Variants in TNS3 observed in about 807,000 individuals in gnomAD.
The protein encoded by TNS3 is tensin 3.
In TNS3, 45 loss-of-function variants were observed where a neutral mutation model predicts 140.9. The ratio of observed to expected loss-of-function variants is 0.32; its 90% CI spans 0.25 to 0.41. TNS3 has a LOEUF of 0.41. Among genes scored for constraint, TNS3 ranks in the 10% least tolerant of loss-of-function variants. The probability of loss-of-function intolerance (pLI) is 1.00; values close to 1 mark genes in which losing one functional copy is unlikely to be tolerated. For missense variants in TNS3, 1,716 were observed against 1,906.7 expected, an observed-to-expected ratio of 0.90 and a Z score of 1.86; for synonymous variants, 815 against 788.4, an observed-to-expected ratio of 1.03 and a Z score of -0.56.
At chr7:47,404,506 C>G (rs1793334304) in intron 13 of TNS3, among the ~76,000 whole-genome samples, 1 of 152,148 alleles carries the variant, frequency 6.6e-6, no homozygotes, top group South Asian at 2.1e-4. Context: ...AATGGGAAGG[C>G]CTGTAAGCAC....
intron 11 of TNS3, among the ~76,000 whole-genome samples, 189 bp from the exon 12 acceptor site, chr7:47,414,186 G>A (rs1793946598): frequency 6.6e-6 from 1 of 152,172 alleles, no homozygotes; most frequent in Non-Finnish European, 1.5e-5. Context: ...CTAGAAGCCT[G>A]CAGAGCAACA....
intron 1 of TNS3, among the ~76,000 whole-genome samples, chr7:47,560,499 C>A (rs1223034424): frequency 2.0e-5 from 3 of 152,166 alleles, no homozygotes; most frequent in Non-Finnish European, 2.9e-5. Context: ...TCTGCCCAAC[C>A]AAAGCCCTAA....
Position 47,309,966 on chromosome 7 carries a change from G to A in TNS3, c.2651-4963C>T, listed in dbSNP as rs1249206055. On this transcript the variant is annotated intron_variant, in intron 20 of 30. Coordinates refer to ENST00000311160, the MANE Select transcript of TNS3 (RefSeq NM_022748.12). ...GGGCTTACTGGGCCAAAACCTCCAG[G>A]GAAGGGAGCAGGAGATCCATGGCCA... Among the ~76,000 whole-genome samples the A allele has an allele frequency of 3.3e-5, 5 of 152,214 alleles. No homozygotes were observed. The South Asian group carries it at 8.3e-4, about 25-fold the overall frequency.
At chr7:47,402,702 T>A (rs1584576405) in intron 13 of TNS3, among the ~76,000 whole-genome samples, 1 of 152,194 alleles carries the variant, frequency 6.6e-6, no homozygotes, top group African/African-American at 2.4e-5. Context: ...TTGATAGAGA[T>A]GATAGCACCC....
intron 1 of TNS3, among the ~76,000 whole-genome samples, chr7:47,568,878 G>T (rs562074092): frequency 6.6e-6 from 1 of 152,376 alleles, no homozygotes; most frequent in South Asian, 2.1e-4. Flanking sequence ...AGGAAGGACA[G>T]ATGGATCTGC....
At chr7:47,542,361 G>A (rs1799810457) in intron 1 of TNS3, among the ~76,000 whole-genome samples, 1 of 152,136 alleles carries the variant, frequency 6.6e-6, no homozygotes, top group South Asian at 2.1e-4. Flanking sequence ...ACCTTGGCCA[G>A]ACAACCCAAG....
intron 4 of TNS3, among the ~76,000 whole-genome samples, chr7:47,469,714 C>G (rs916442102): frequency 6.6e-6 from 1 of 152,156 alleles, no homozygotes; most frequent in Non-Finnish European, 1.5e-5. Flanking sequence ...TGGCTCACGC[C>G]TGTAATCCCA....
chr7:47,531,783 G>C (rs1799413373), intron 1 of TNS3, among the ~76,000 whole-genome samples: 1 of 152,170 alleles, frequency 6.6e-6, no homozygotes, highest in Admixed American at 6.5e-5. Flanking sequence ...CCCCTTCTGA[G>C]TTGGGGTGGG....
chr7:47,409,129 G>T (rs1793614103), intron 13 of TNS3, among the ~76,000 whole-genome samples: 1 of 152,078 alleles, frequency 6.6e-6, no homozygotes, highest in Non-Finnish European at 1.5e-5. Context: ...GCAGAGAGGA[G>T]GAAAAGGAAG....
At chr7:47,533,103 TTATA>T (rs1340588438) in intron 1 of TNS3, among the ~76,000 whole-genome samples, 4 of 18,594 alleles carry the variant, frequency 2.2e-4, no homozygotes, top group African/African-American at 5.5e-4. Context: ...TTGTCAGATT[TTATA>T]TATATATATA....
At chr7:47,291,916 C>T in intron 27 of TNS3, 39 bp downstream of exon 27, 1 of 1,604,324 alleles carries the variant, frequency 6.2e-7, no homozygotes, top group African/African-American at 1.3e-5. Flanking sequence ...CTTTTTCTCC[C>T]CAGTCACCAG....
At chr7:47,551,329 G>GT (rs1219813979) in intron 1 of TNS3, among the ~76,000 whole-genome samples, 1 of 152,240 alleles carries the variant, frequency 6.6e-6, no homozygotes, top group Non-Finnish European at 1.5e-5. Context: ...TGGAGGCCCA[G>GT]TGGGGCACAG....
At chr7:47,551,050 C>T (rs200849244) in intron 1 of TNS3, among the ~76,000 whole-genome samples, 24 of 152,318 alleles carry the variant, frequency 1.6e-4, no homozygotes, top group Middle Eastern at 3.4e-3. Flanking sequence ...GGCTCAGCCT[C>T]TTGGGAGCCT....
chr7:47,303,787 T>G (rs774280976), intron 21 of TNS3, among the ~76,000 whole-genome samples: 6 of 152,208 alleles, frequency 3.9e-5, no homozygotes, highest in Non-Finnish European at 8.8e-5. Context: ...CCCCATTTCA[T>G]GCCTGGATGC....
chr7:47,576,942 C>A (rs1259758301), intron 1 of TNS3, among the ~76,000 whole-genome samples: 1 of 152,266 alleles, frequency 6.6e-6, no homozygotes, highest in Non-Finnish European at 1.5e-5. Flanking sequence ...CGAGGACTTT[C>A]TTTCTTTCAG....
chr7:47,531,154 T>C (rs186868650), intron 1 of TNS3, among the ~76,000 whole-genome samples: 6 of 151,786 alleles, frequency 4.0e-5, no homozygotes, highest in Admixed American at 2.0e-4. Context: ...ACCTATCGAG[T>C]ACTACGCTTA....
intron 3 of TNS3, among the ~76,000 whole-genome samples, chr7:47,488,770 A>G (rs1424637858): frequency 6.6e-6 from 1 of 152,222 alleles, no homozygotes; most frequent in Non-Finnish European, 1.5e-5. Context: ...CGTTCTGGGC[A>G]CACCAACAAG....
intron 20 of TNS3, among the ~76,000 whole-genome samples, chr7:47,313,905 G>A (rs996862225): frequency 4.6e-5 from 7 of 152,234 alleles, no homozygotes; most frequent in African/African-American, 1.7e-4. Context: ...TGGCTGTGTA[G>A]TTCCCTCTGT....
chr7:47,543,882 G>C (rs564755893), intron 1 of TNS3, among the ~76,000 whole-genome samples: 1 of 152,334 alleles, frequency 6.6e-6, no homozygotes, highest in South Asian at 2.1e-4. Flanking sequence ...CTGACAAACA[G>C]ATGGTGACTT....
Sources: gnomAD v4.1 joint callset for allele counts (sites outside exome capture counted in the v4.1 genomes callset) on GRCh38, gnomAD v4.1.1 for gene constraint, MANE v1.5 for transcripts, NCBI Gene and HGNC (gene_info 2026-07-23, HGNC 2026-07-21) for gene names.